The following FILIP1 variants were observed in gnomAD, a reference collection of about 807,000 sequenced individuals.
FILIP1 encodes the protein filamin-A-interacting protein 1.
FILIP1 carries 61 observed loss-of-function variants against 102.1 expected under a neutral mutation model. The observed-to-expected ratio is 0.60, with a 90% CI of 0.49 to 0.74. The LOEUF (loss-of-function observed/expected upper bound fraction) is 0.74, where lower values mean the gene tolerates loss of function less well. FILIP1 is among the 30% of genes least tolerant of loss of function. The pLI is 0.00. For missense variants in FILIP1, 1,314 were observed against 1,441.2 expected, an observed-to-expected ratio of 0.91 and a Z score of 1.43; for synonymous variants, 491 against 526.9, an observed-to-expected ratio of 0.93 and a Z score of 0.93.
chr6:75,326,124 T>TACAC (rs1554200337), intron 4 of FILIP1, among the ~76,000 whole-genome samples: 23 of 139,700 alleles, frequency 1.6e-4, no homozygotes, highest in African/African-American at 4.9e-4. Flanking sequence ...GATAGATAGA[T>TACAC]ATACACACAC....
At chr6:75,320,693 A>G (rs1178347306) in intron 4 of FILIP1, among the ~76,000 whole-genome samples, 1 of 152,236 alleles carries the variant, frequency 6.6e-6, no homozygotes, top group Non-Finnish European at 1.5e-5. Context: ...CAGATATTGC[A>G]GTTGTTATTA....
At chr6:75,363,702 TCG>T (rs1368301004) in intron 2 of FILIP1, among the ~76,000 whole-genome samples, 6 of 152,138 alleles carry the variant, frequency 3.9e-5, no homozygotes, top group Admixed American at 3.9e-4. Context: ...TGTTTTGCAC[TCG>T]TTAGTAGGGT....
intron 4 of FILIP1, among the ~76,000 whole-genome samples, chr6:75,336,549 T>C (rs1157792451): frequency 6.6e-6 from 1 of 151,976 alleles, no homozygotes; most frequent in Non-Finnish European, 1.5e-5. Context: ...GATTATACAA[T>C]CAAGCGGCAG....
At chr6:75,389,689 G>C (rs2149654895) in intron 2 of FILIP1, among the ~76,000 whole-genome samples, 1 of 152,256 alleles carries the variant, frequency 6.6e-6, no homozygotes, top group Admixed American at 6.5e-5. Context: ...TCTGATGGTA[G>C]TTTGTATTTC....
At chr6:75,488,363 A>C (rs1484043033) in intron 1 of FILIP1, among the ~76,000 whole-genome samples, 4 of 152,028 alleles carry the variant, frequency 2.6e-5, no homozygotes, top group African/African-American at 9.7e-5. Flanking sequence ...AAACTGCCTC[A>C]GCTACTACCA....
chr6:75,372,673 GAA>G (rs1167124626), intron 2 of FILIP1, among the ~76,000 whole-genome samples: 743 of 56,780 alleles, frequency 0.013, 4 homozygotes, highest in Middle Eastern at 0.018. Flanking sequence ...AAGAAAGAAA[GAA>G]AGAAAGAAAG....
intron 5 of FILIP1, among the ~76,000 whole-genome samples, chr6:75,311,610 C>T (rs151084087): frequency 1.8e-4 from 27 of 152,270 alleles, no homozygotes; most frequent in Middle Eastern, 3.4e-3. Context: ...GATTCTCCTG[C>T]CTCAGCCTCC....
rs17496664 is a variant in FILIP1 at position 75,489,981 on chromosome 6, C to A, written c.-7+3433G>T. On this transcript the variant is annotated intron_variant, in intron 1 of 5. Coordinates refer to ENST00000237172, the MANE Select transcript of FILIP1 (RefSeq NM_015687.5). ...CCTAGTGCTACCTTTCTAAAACCCA[C>A]GAGTTTAAAGAGGGAAGATTAGACA... is the stretch of plus-strand genomic sequence containing the variant. Among the ~76,000 whole-genome samples, 4 of 151,812 alleles carry A rather than the reference C, an allele frequency of 2.6e-5. No homozygotes were observed. The East Asian group carries it at 7.7e-4, about 29-fold the overall frequency.
chr6:75,333,009 T>A (rs917064008), intron 4 of FILIP1, among the ~76,000 whole-genome samples: 1 of 152,230 alleles, frequency 6.6e-6, no homozygotes, highest in Non-Finnish European at 1.5e-5. Context: ...ATTAAGATAC[T>A]ACTAATCTAA....
At chr6:75,376,064 C>T (rs1226895110) in intron 2 of FILIP1, among the ~76,000 whole-genome samples, 1 of 152,222 alleles carries the variant, frequency 6.6e-6, no homozygotes, top group East Asian at 1.9e-4. Context: ...ATATAAGGTA[C>T]ATAATGTCTT....
At chr6:75,404,827 T>C (rs1776780822) in intron 2 of FILIP1, among the ~76,000 whole-genome samples, 1 of 152,166 alleles carries the variant, frequency 6.6e-6, no homozygotes, top group African/African-American at 2.4e-5. Context: ...CCCAAAATCA[T>C]ACTTTTGATT....
At chr6:75,375,863 C>G (rs571428925) in intron 2 of FILIP1, among the ~76,000 whole-genome samples, 10 of 152,268 alleles carry the variant, frequency 6.6e-5, no homozygotes, top group South Asian at 4.1e-4. Flanking sequence ...AGCAAAACTA[C>G]TGTTGAATTT....
At chr6:75,411,130 G>C (rs1459872647) in intron 2 of FILIP1, among the ~76,000 whole-genome samples, 1 of 152,158 alleles carries the variant, frequency 6.6e-6, no homozygotes, top group Non-Finnish European at 1.5e-5. Context: ...GCGTGAGATG[G>C]TATCTCACTG....
intron 1 of FILIP1, chr6:75,453,986 A>C (rs1778731905): frequency 4.4e-6 from 2 of 456,540 alleles, no homozygotes; most frequent in African/African-American, 2.0e-5. Context: ...AATTACCATA[A>C]ATTTCAAGGC....
In FILIP1 at chr6:75,371,209, G is replaced by T. The variant is rs564568091; in HGVS notation, c.277-8292C>A. Among the ~76,000 whole-genome samples, 3 of 152,266 alleles carry T rather than the reference G, an allele frequency of 2.0e-5. No homozygotes were observed. In the East Asian group the frequency reaches 5.8e-4, roughly 29 times the overall value. On this transcript the variant is annotated intron_variant, in intron 2 of 5. Coordinates refer to ENST00000237172, the MANE Select transcript of FILIP1 (RefSeq NM_015687.5). ...ATAGTTAGGTTACAGGGCCACTGGGGCTAAAAATGTGACTTTTTCTCTCTT... is the reference window on the plus strand; with the variant it reads ...ATAGTTAGGTTACAGGGCCACTGGGTCTAAAAATGTGACTTTTTCTCTCTT...
At chr6:75,297,395 T>G (rs1292733828) in intron 6 of FILIP1, among the ~76,000 whole-genome samples, 2 of 152,302 alleles carry the variant, frequency 1.3e-5, no homozygotes, top group African/African-American at 4.8e-5. Context: ...TAGGTGGAGC[T>G]ATTTCCATTT....
chr6:75,356,832 T>G (rs1279083782), intron 3 of FILIP1, among the ~76,000 whole-genome samples: 1 of 152,200 alleles, frequency 6.6e-6, no homozygotes, highest in African/African-American at 2.4e-5. Flanking sequence ...AGCTCCATTC[T>G]CTATTACAAA....
chr6:75,414,983 A>C lies in FILIP1; in HGVS notation c.-6-5T>G. 1 of 1,605,242 alleles carries C rather than the reference A, an allele frequency of 6.2e-7. No homozygotes were observed. The highest frequency in any genetic ancestry group is 8.5e-7 in the Non-Finnish European group (1 of 1,176,046). ...GTTTCGAGATCTCATTCCCACCTACAACACATACATAAAAAAAGATAAGAT... is the reference window on the plus strand; with the variant it reads ...GTTTCGAGATCTCATTCCCACCTACCACACATACATAAAAAAAGATAAGAT... On this transcript the variant is annotated splice_polypyrimidine_tract_variant and splice_region_variant and intron_variant, in intron 1 of 5. Coordinates refer to ENST00000237172, the MANE Select transcript of FILIP1 (RefSeq NM_015687.5).
At chr6:75,410,421 T>A (rs1317676436) in intron 2 of FILIP1, among the ~76,000 whole-genome samples, 1 of 152,028 alleles carries the variant, frequency 6.6e-6, no homozygotes, top group Non-Finnish European at 1.5e-5. Flanking sequence ...TATTATACTT[T>A]AAGTTCTGGG....
Sources: allele counts gnomAD v4.1 joint callset (sites outside exome capture counted in the v4.1 genomes callset), GRCh38; gene constraint gnomAD v4.1.1; transcripts MANE v1.5; gene names NCBI Gene and HGNC (gene_info 2026-07-23, HGNC 2026-07-21).